PITPNM2: variants seen among roughly 807,000 people sequenced by gnomAD.
The protein encoded by PITPNM2 is membrane-associated phosphatidylinositol transfer protein 2.
PITPNM2 carries 35 observed loss-of-function variants against 132.2 expected under a neutral mutation model. That is an observed-to-expected ratio of 0.26 (90% CI 0.20 to 0.35). The LOEUF is 0.35. PITPNM2 is among the 10% of genes least tolerant of loss of function. The probability of loss-of-function intolerance (pLI) is 1.00; values close to 1 mark genes in which losing one functional copy is unlikely to be tolerated. For missense variants in PITPNM2, 1,332 were observed against 1,912.0 expected, an observed-to-expected ratio of 0.70 and a Z score of 5.66; for synonymous variants, 738 against 799.2, an observed-to-expected ratio of 0.92 and a Z score of 1.29.
At chr12:123,068,999 T>A (rs1430341653) in intron 2 of PITPNM2, among the ~76,000 whole-genome samples, 1 of 152,116 alleles carries the variant, frequency 6.6e-6, no homozygotes, top group East Asian at 1.9e-4. Flanking sequence ...ACACCCTTAA[T>A]CCCAGCACTT....
intron 1 of PITPNM2, among the ~76,000 whole-genome samples, chr12:123,130,114 A>G (rs548121682): frequency 5.9e-5 from 9 of 152,246 alleles, no homozygotes; most frequent in Non-Finnish European, 1.2e-4. Context: ...TAAGTCGCCC[A>G]GGCCAGTAGT....
chr12:123,120,067 T>A (rs2043006942), intron 1 of PITPNM2, among the ~76,000 whole-genome samples: 1 of 152,184 alleles, frequency 6.6e-6, no homozygotes, highest in Non-Finnish European at 1.5e-5. Context: ...GGGGTTTTGC[T>A]GCATAGCCGA....
chr12:123,021,016 C>T (rs1288421697), intron 3 of PITPNM2, among the ~76,000 whole-genome samples: 10 of 120,734 alleles, frequency 8.3e-5, no homozygotes, highest in Non-Finnish European at 1.3e-4. Flanking sequence ...GCGACAAGAG[C>T]GAAATTCCAT....
chr12:123,144,472 G>A (rs773834709), intron 1 of PITPNM2, among the ~76,000 whole-genome samples: 6 of 152,114 alleles, frequency 3.9e-5, no homozygotes, highest in South Asian at 2.1e-4. Context: ...TCACTCTGTC[G>A]CCAGGCCAGA....
At chr12:123,130,487 CAAAA>C (rs2043238571) in intron 1 of PITPNM2, among the ~76,000 whole-genome samples, 1 of 152,072 alleles carries the variant, frequency 6.6e-6, no homozygotes, top group African/African-American at 2.4e-5. Flanking sequence ...GGAAGAGAAA[CAAAA>C]GAAAGCTTTG....
intron 1 of PITPNM2, among the ~76,000 whole-genome samples, chr12:123,115,181 C>T (rs2042912113): frequency 6.6e-6 from 1 of 152,210 alleles, no homozygotes; most frequent in Non-Finnish European, 1.5e-5. Flanking sequence ...GACCCCATGC[C>T]TTGGGCAGGC....
chr12:123,025,558 G>C (rs1049884566), intron 3 of PITPNM2, among the ~76,000 whole-genome samples: 3 of 151,586 alleles, frequency 2.0e-5, no homozygotes, highest in African/African-American at 7.3e-5. Flanking sequence ...TCAGCCTCCT[G>C]AGTAGCTGGG....
chr12:123,012,719 G>C lies in PITPNM2; in HGVS notation c.309C>G (p.Phe103Leu). 1 of 1,614,106 alleles carries C rather than the reference G, an allele frequency of 6.2e-7. No individual in the cohort carries two copies. Among genetic ancestry groups the C allele is most frequent in the Non-Finnish European group, 8.5e-7 (1 of 1,179,962 alleles). The change falls in exon 5 of 26, where the codon TTC (phenylalanine) becomes TTG (leucine). Residue 103 changes from phenylalanine (F) to leucine (L), a missense_variant. Coordinates refer to ENST00000320201, the MANE Select transcript of PITPNM2 (RefSeq NM_020845.3). ...CAATGTCGATGGAGAATTTCTCCAC[G>C]AAAGGACAGGTGAACCTGTGCGGAA... is the stretch of plus-strand genomic sequence containing the variant. ...PYTRTRFTCP[F>L]VEKFSIDIET...
At chr12:123,042,665 C>G (rs1385002384) in intron 2 of PITPNM2, among the ~76,000 whole-genome samples, 3 of 152,176 alleles carry the variant, frequency 2.0e-5, no homozygotes, top group African/African-American at 7.2e-5. Context: ...CTCCTTCTGC[C>G]TCCCTTGAGT....
intron 2 of PITPNM2, among the ~76,000 whole-genome samples, chr12:123,035,286 G>C (rs1026858972): frequency 1.4e-4 from 21 of 152,222 alleles, no homozygotes. Flanking sequence ...GATGAGACAA[G>C]ATAAGCAGAG....
chr12:123,140,491 G>C (rs1280968998), intron 1 of PITPNM2, among the ~76,000 whole-genome samples: 1 of 152,120 alleles, frequency 6.6e-6, no homozygotes. Context: ...TGGAGACTAA[G>C]CTGGCTCTGG....
At chr12:123,067,371 G>A (rs1220973694) in intron 2 of PITPNM2, among the ~76,000 whole-genome samples, 3 of 151,856 alleles carry the variant, frequency 2.0e-5, no homozygotes, top group Non-Finnish European at 2.9e-5. Flanking sequence ...CAGGAGAATC[G>A]CTTGAACCCA....
intron 2 of PITPNM2, among the ~76,000 whole-genome samples, chr12:123,038,383 C>T (rs2040349513): frequency 6.6e-6 from 1 of 152,196 alleles, no homozygotes; most frequent in South Asian, 2.1e-4. Context: ...GACTGCAAAG[C>T]CTCACAATGC....
At chr12:123,071,758 G>T (rs1219333668) in intron 2 of PITPNM2, among the ~76,000 whole-genome samples, 1 of 152,218 alleles carries the variant, frequency 6.6e-6, no homozygotes, top group African/African-American at 2.4e-5. Flanking sequence ...CCCATGGGGG[G>T]ACCATCACTC....
rs1446768254 is a variant in PITPNM2 at position 123,150,911 on chromosome 12, G to C, written c.-358C>G. 6.9e-6 allele frequency among the ~76,000 whole-genome samples: 1 copy of C among 144,914 alleles called. No individual in the cohort carries two copies. The highest frequency in any genetic ancestry group is 2.5e-5 in the African/African-American group (1 of 40,394). ...CTGCTGGCCCCGGGCGAGCGGCAGA[G>C]CCCCGGCGGGCATTGCTCCCGAGCG... On this transcript the variant is annotated 5_prime_UTR_variant, in exon 1 of 26. Transcript: ENST00000320201. This position sits in a 1 kb window ranked among gnomAD's most constrained non-coding sequence, Gnocchi z 6.0.
At position 123,112,704 on chromosome 12, in the gene PITPNM2, AT is replaced by A. The variant is rs377066028; in HGVS notation, c.-199-2217del. ...CGGCGACTGCCACCACGCCTGGCTA[AT>A]TTTTTTGTATTTTTAGTAGAGACGG... On this transcript the variant is annotated intron_variant, in intron 1 of 25. Coordinates refer to ENST00000320201, the MANE Select transcript of PITPNM2 (RefSeq NM_020845.3). Among the ~76,000 whole-genome samples, 603 of 151,926 alleles carry A rather than the reference AT, an allele frequency of 4.0e-3. 2 individuals are homozygous for A. Among genetic ancestry groups the A allele is most frequent in the African/African-American group, 0.014 (580 of 41,444 alleles).
In PITPNM2 at chr12:123,136,898, AAAT is replaced by A. The variant is rs891292986; in HGVS notation, c.-200+13852_-200+13854del. 9.9e-5 allele frequency among the ~76,000 whole-genome samples: 15 copies of A among 152,212 alleles called. 1 individual carries two copies. In the South Asian group the frequency reaches 1.7e-3, roughly 17 times the overall value. On this transcript the variant is annotated intron_variant, in intron 1 of 25. Transcript: ENST00000320201. ...ATAGAGCGAGACTCCGTCTCAAAAA[AAAT>A]AATAATAATAATTAAGCCCCCTTAA...
At chr12:123,055,474 C>T (rs1054679897) in intron 2 of PITPNM2, among the ~76,000 whole-genome samples, 5 of 152,254 alleles carry the variant, frequency 3.3e-5, no homozygotes, top group African/African-American at 9.6e-5. Context: ...GCCTGCCCAG[C>T]GTGCACACGG....
intron 8 of PITPNM2, among the ~76,000 whole-genome samples, chr12:123,002,890 C>T (rs1438162352): frequency 1.3e-5 from 2 of 152,194 alleles, no homozygotes; most frequent in East Asian, 3.9e-4. Flanking sequence ...CTATATATTA[C>T]TGTGGTTTAA....
Sources: allele counts gnomAD v4.1 joint callset (sites outside exome capture counted in the v4.1 genomes callset), GRCh38; gene constraint gnomAD v4.1.1; non-coding constraint Gnocchi (gnomAD v3.1); transcripts MANE v1.5; gene names NCBI Gene and HGNC (gene_info 2026-07-23, HGNC 2026-07-21).